Variants in ASB15 observed in about 807,000 individuals in gnomAD.
ASB15 encodes ankyrin repeat and SOCS box protein 15.
A neutral mutation model predicts 58.0 loss-of-function variants in ASB15; 54 were observed. The ratio of observed to expected loss-of-function variants is 0.93; its 90% CI spans 0.75 to 1.17. ASB15 has a LOEUF of 1.17. ASB15 is among the 50% of genes most tolerant of loss of function. ASB15 has a pLI of 0.00. For missense variants in ASB15, 680 were observed against 707.4 expected, an observed-to-expected ratio of 0.96 and a Z score of 0.44; for synonymous variants, 249 against 262.4, an observed-to-expected ratio of 0.95 and a Z score of 0.50.
intron 1 of ASB15, among the ~76,000 whole-genome samples, chr7:123,589,268 A>G (rs983599909): frequency 4.0e-5 from 6 of 150,696 alleles, no homozygotes; most frequent in Admixed American, 2.0e-4. Flanking sequence ...GATAAATTTA[A>G]CCACTTCATC....
chr7:123,570,025 A>G (rs1218421691), intron 1 of ASB15, among the ~76,000 whole-genome samples: 5 of 141,790 alleles, frequency 3.5e-5, no homozygotes, highest in African/African-American at 7.9e-5. Context: ...AACTACTGCC[A>G]TAGCTTTTTT....
chr7:123,585,471 T>TA (rs1799350360), intron 1 of ASB15, among the ~76,000 whole-genome samples: 1 of 151,860 alleles, frequency 6.6e-6, no homozygotes, highest in Non-Finnish European at 1.5e-5. Context: ...ATTTCTTACT[T>TA]ACGTTTATGC....
chr7:123,603,086 T>C (rs1170689009), intron 1 of ASB15, among the ~76,000 whole-genome samples: 1 of 152,204 alleles, frequency 6.6e-6, no homozygotes, highest in Non-Finnish European at 1.5e-5. Context: ...TTAAACTCAA[T>C]ATAAAAATAC....
chr7:123,630,094 A>C lies in ASB15; in HGVS notation c.1569A>C (p.Glu523Asp). 6.3e-7 allele frequency: 1 copy of C among 1,596,244 alleles called. No individual in the cohort carries two copies. Reference protein sequence around the residue: ...KLKSALEVQREWPEIRQILEN... With the variant: ...KLKSALEVQRDWPEIRQILEN... ...AGTCTGCACTAGAAGTACAGAGAGA[A>C]TGGCCAGAAATCCGCCAAATACTAG... The change falls in exon 11 of 12, where the codon GAA becomes GAC. Residue 523 changes from glutamate to aspartate, a missense_variant. Coordinates refer to ENST00000451215, the MANE Select transcript of ASB15 (RefSeq NM_001290258.2).
intron 3 of ASB15, 67 bp downstream of exon 3, chr7:123,608,721 T>G (rs1800276132): frequency 6.6e-6 from 1 of 152,178 alleles, no homozygotes; most frequent in Non-Finnish European, 1.5e-5. Context: ...TATCTGAAAT[T>G]TTTGGGGAAC....
intron 1 of ASB15, among the ~76,000 whole-genome samples, chr7:123,587,018 T>C (rs555152298): frequency 6.6e-6 from 1 of 151,864 alleles, no homozygotes; most frequent in South Asian, 2.1e-4. Context: ...GCTTTCAGCT[T>C]TGGTCTTTCT....
chr7:123,600,052 T>C (rs188521879), upstream of ASB15, among the ~76,000 whole-genome samples: 9 of 152,302 alleles, frequency 5.9e-5, no homozygotes, highest in Admixed American at 5.9e-4. Context: ...TCAAAGTATG[T>C]CTTATTGTGT....
Position 123,636,939 on chromosome 7 carries a change from TAA to T in ASB15, c.1727_1728del (p.Lys576ArgfsTer3). On this transcript the variant is annotated frameshift_variant, in exon 12 of 12. Coordinates refer to ENST00000451215, the MANE Select transcript of ASB15 (RefSeq NM_001290258.2). LOFTEE classifies it high-confidence loss of function. ...CAGCTATTCAAAGATACATATTATT[TAA>T]AGAGTATGATCTCTATGGACAAGAG... is the stretch of plus-strand genomic sequence containing the variant. Reference protein sequence around the residue: ...PPAIQRYILFKEYDLYGQELK... With the variant: ...PPAIQRYILFXEYDLYGQELK... 3 of 1,582,510 alleles carry T rather than the reference TAA, an allele frequency of 1.9e-6. No individual in the cohort carries two copies. Among genetic ancestry groups the T allele is most frequent in the Non-Finnish European group, 1.7e-6 (2 of 1,151,658 alleles).
intron 2 of ASB15, among the ~76,000 whole-genome samples, chr7:123,607,744 C>T (rs957486690): frequency 2.0e-5 from 3 of 152,204 alleles, no homozygotes; most frequent in Admixed American, 1.3e-4. Flanking sequence ...ATCTCAGCCT[C>T]CCAAAGTCCT....
chr7:123,597,069 G>C (rs886220507), upstream of ASB15, among the ~76,000 whole-genome samples: 1 of 152,130 alleles, frequency 6.6e-6, no homozygotes, highest in Non-Finnish European at 1.5e-5. Context: ...TCTTACACAC[G>C]GTTTTGCTTG....
In ASB15 at chr7:123,637,045, G is replaced by C; in HGVS notation, c.*64G>C. On this transcript the variant is annotated 3_prime_UTR_variant, in exon 12 of 12. Coordinates refer to ENST00000451215, the MANE Select transcript of ASB15 (RefSeq NM_001290258.2). Reference sequence around the variant, plus strand: ...ATGTGATTCCCTCAGATAATTTCTTGTAACCATTTTACATCCTTAATTGTA... The same window carrying C: ...ATGTGATTCCCTCAGATAATTTCTTCTAACCATTTTACATCCTTAATTGTA... The C allele has an allele frequency of 8.5e-7, 1 of 1,175,500 alleles. No individual in the cohort carries two copies. Among genetic ancestry groups the C allele is most frequent in the South Asian group, 1.6e-5 (1 of 64,196 alleles). The allele number at this position is 1,175,500 out of a possible 1,614,324, so 72.8% of individuals were successfully genotyped here.
chr7:123,614,496 T>A lies in ASB15; in HGVS notation c.-2-5T>A. 11 of 1,544,632 alleles carry A rather than the reference T, an allele frequency of 7.1e-6. No homozygotes were observed. Among genetic ancestry groups the A allele is most frequent in the Non-Finnish European group, 9.8e-6 (11 of 1,119,138 alleles). ...AGAACTTGTCTCGTTCAAAATTATA[T>A]GCAGGAATGGATACTAATGATGACC... On this transcript the variant is annotated splice_polypyrimidine_tract_variant and splice_region_variant and intron_variant, in intron 3 of 11. Coordinates refer to ENST00000451215, the MANE Select transcript of ASB15 (RefSeq NM_001290258.2).
chr7:123,623,926 GAAAGA>G (rs1364734518), intron 7 of ASB15, among the ~76,000 whole-genome samples: 4 of 69,898 alleles, frequency 5.7e-5, no homozygotes, highest in Admixed American at 1.8e-4. Flanking sequence ...AAGGAAGAAA[GAAAGA>G]AAAGAAAGAA....
At position 123,638,834 on chromosome 7, in the gene ASB15, A is replaced by G. The variant is rs971549233; in HGVS notation, c.*1853A>G. The G allele has an allele frequency of 6.6e-6, 1 of 152,180 alleles. No individual in the cohort carries two copies. Among genetic ancestry groups the G allele is most frequent in the Non-Finnish European group, 1.5e-5 (1 of 68,054 alleles). The allele number at this position is 152,180 out of a possible 1,614,324, so 9.4% of individuals were successfully genotyped here. ...GCCTCAGCACAGAACTTGTCATGCC[A>G]TATTATAGATGCCTGTGTTCCCTGC... On this transcript the variant is annotated 3_prime_UTR_variant, in exon 12 of 12. Transcript: ENST00000451215.
At chr7:123,633,076 C>G (rs1324931144) in intron 11 of ASB15, among the ~76,000 whole-genome samples, 1 of 152,084 alleles carries the variant, frequency 6.6e-6, no homozygotes, top group East Asian at 1.9e-4. Flanking sequence ...AAATATTGTT[C>G]CTCTTGCTGA....
chr7:123,636,680 C>T, intron 11 of ASB15, 129 bp from the exon 12 acceptor site: 1 of 723,546 alleles, frequency 1.4e-6, no homozygotes, highest in South Asian at 2.2e-5. Flanking sequence ...CACTTAAAAT[C>T]ACCAGTTGCT....
At chr7:123,584,046 T>A (rs187517078) in intron 1 of ASB15, among the ~76,000 whole-genome samples, 36 of 152,096 alleles carry the variant, frequency 2.4e-4, no homozygotes, top group Admixed American at 2.4e-3. Context: ...TTTTTATATG[T>A]GCATGTACTG....
At chr7:123,611,645 G>A (rs1212429013) in intron 3 of ASB15, among the ~76,000 whole-genome samples, 1 of 152,142 alleles carries the variant, frequency 6.6e-6, no homozygotes, top group Non-Finnish European at 1.5e-5. Flanking sequence ...AACTGAACTG[G>A]TCTTAGATAA....
intron 1 of ASB15, among the ~76,000 whole-genome samples, chr7:123,578,480 C>T (rs1347119615): frequency 3.9e-5 from 6 of 151,996 alleles, no homozygotes. Context: ...TTTGTTTCCT[C>T]TATACTTTTA....
Sources: gnomAD v4.1 joint callset for allele counts (sites outside exome capture counted in the v4.1 genomes callset) on GRCh38, gnomAD v4.1.1 for gene constraint, MANE v1.5 for transcripts, NCBI Gene and HGNC (gene_info 2026-07-23, HGNC 2026-07-21) for gene names.